Variants in PKMYT1 observed in about 807,000 individuals in gnomAD.
PKMYT1 encodes the protein membrane-associated tyrosine- and threonine-specific cdc2-inhibitory kinase.
In PKMYT1, 35 loss-of-function variants were observed where a neutral mutation model predicts 49.7. That is an observed-to-expected ratio of 0.70 (90% CI 0.54 to 0.93). The LOEUF is 0.93. Ranked by LOEUF, PKMYT1 falls within the 40% of genes least tolerant of loss-of-function variation. The pLI, the probability that PKMYT1 is intolerant of heterozygous loss-of-function variation, is 0.00. For synonymous variants in PKMYT1, 331 were observed against 287.6 expected (o/e 1.15, Z -1.53); for missense variants, 677 against 673.1 (o/e 1.01, Z -0.06).
intron 2 of PKMYT1, among the ~76,000 whole-genome samples, chr16:2,979,083 C>T (rs1040563272): frequency 2.0e-5 from 3 of 151,690 alleles, no homozygotes; most frequent in Non-Finnish European, 4.4e-5. Context: ...CGCCTGTAAT[C>T]CCAGCACTTC....
At position 2,974,543 on chromosome 16, in the gene PKMYT1, T is replaced by A; in HGVS notation, c.979+7A>T. The A allele has an allele frequency of 6.4e-7, 1 of 1,559,864 alleles. No homozygotes were observed. ...GGCAGCACCCCCTCCCGCCCTCACC[T>A]ACTCACCGGCAGTGAACTCAGGGGG... is the stretch of plus-strand genomic sequence containing the variant. On this transcript the variant is annotated splice_region_variant and intron_variant, in intron 5 of 8. Transcript: ENST00000262300.
chr16:2,973,740 C>G, intron 7 of PKMYT1: 1 of 571,082 alleles, frequency 1.8e-6, no homozygotes, highest in South Asian at 2.1e-5. Context: ...GCAGCCTCCA[C>G]TGGGGTCGGG....
chr16:2,977,335 G>A, intron 2 of PKMYT1: 2 of 1,196,374 alleles, frequency 1.7e-6, no homozygotes, highest in South Asian at 2.3e-5. Context: ...CAGACGGGCT[G>A]CGCCTGCATC....
intron 2 of PKMYT1, chr16:2,977,382 TA>T: frequency 1.0e-6 from 1 of 996,360 alleles, no homozygotes; most frequent in Non-Finnish European, 1.2e-6. Context: ...GATCCTAAAC[TA>T]CACAACCTCT....
intron 7 of PKMYT1, chr16:2,973,498 T>G: frequency 7.0e-7 from 1 of 1,422,412 alleles, no homozygotes. Context: ...TTTCTGGAAC[T>G]TCTTGTCTGC....
At position 2,973,199 on chromosome 16, in the gene PKMYT1, CAG is replaced by C. The variant is rs1035696202; in HGVS notation, c.1325_1326del (p.Pro442ArgfsTer28). On this transcript the variant is annotated frameshift_variant, in exon 8 of 9. Transcript: ENST00000262300. LOFTEE classifies it high-confidence loss of function. Reference protein sequence around the residue: ...DDDSLGPSLSPEAVLARTVGS... With the variant: ...DDDSLGPSLSXEAVLARTVGS... ...CCCACAGTCCGGGCCAGGACAGCCT[CAG>C]GGGAGAGTGAAGGCCTGCAGGAGGG... The C allele has an allele frequency of 4.0e-6, 6 of 1,513,216 alleles. No individual in the cohort carries two copies. The highest frequency in any genetic ancestry group is 2.7e-5 in the African/African-American group (2 of 72,820). 93.7% of individuals were successfully genotyped at this position (1,513,216 alleles called of 1,614,324 possible). A position where few individuals can be genotyped will look rare whatever the true frequency, so the allele number is the denominator to read the frequency against.
At position 2,976,915 on chromosome 16, in the gene PKMYT1, T is replaced by C. The variant is rs1246990901; in HGVS notation, c.127A>G (p.Arg43Gly). Residue 43 changes from arginine (R) to glycine (G), a missense_variant, in exon 3 of 9, where the codon AGG becomes GGG. By Grantham distance (125) the Arg-to-Gly change is moderately radical. Coordinates refer to ENST00000262300, the MANE Select transcript of PKMYT1 (RefSeq NM_004203.5). ...RHAEPGFSLKRPRGLSRSLPP... is the reference protein window; with the variant it reads ...RHAEPGFSLKGPRGLSRSLPP... ...AGGCTCCGGCTGAGCCCCCTGGGCC[T>C]CTTGAGGGAGAATCCAGGTTCTGCG... 1 of 1,544,118 alleles carries C rather than the reference T, an allele frequency of 6.5e-7. No homozygotes were observed. Among genetic ancestry groups the C allele is most frequent in the South Asian group, 1.2e-5 (1 of 84,002 alleles).
chr16:2,974,464 A>G lies in PKMYT1; in HGVS notation c.980-47T>C, dbSNP rs1285410870. The G allele has an allele frequency of 1.9e-6, 3 of 1,568,034 alleles. No individual in the cohort carries two copies. In the African/African-American group the frequency reaches 4.1e-5, roughly 21 times the overall value. ...ATCGGGGTCCCAGAACACCGACTGC[A>G]CCCTGAGCCCAGCAGTGCCTCCATG... On this transcript the variant is annotated intron_variant, in intron 5 of 8. Coordinates refer to ENST00000262300, the MANE Select transcript of PKMYT1 (RefSeq NM_004203.5).
intron 2 of PKMYT1, among the ~76,000 whole-genome samples, chr16:2,979,291 G>A (rs1317437091): frequency 1.3e-5 from 2 of 152,126 alleles, no homozygotes; most frequent in Admixed American, 6.5e-5. Flanking sequence ...CCGAGATTGC[G>A]GCATTGCACT....
rs115260081 is a variant in PKMYT1 at position 2,977,323 on chromosome 16, G to A, written c.11-292C>T. 5.8e-4 allele frequency: 704 copies of A among 1,213,822 alleles called. 3 individuals carry two copies. The African/African-American group carries it at 0.01, about 17-fold the overall frequency. 75.2% of individuals were successfully genotyped at this position (1,213,822 alleles called of 1,614,324 possible). The stretch of plus-strand genomic sequence containing the variant: ...CGGGTTAAGAGCAAGGCAGTTTGGA[G>A]TCAGACGGGCTGCGCCTGCATCCCT... On this transcript the variant is annotated intron_variant, in intron 2 of 8. Coordinates refer to ENST00000262300, the MANE Select transcript of PKMYT1 (RefSeq NM_004203.5).
Position 2,975,453 on chromosome 16 carries a change from G to C in PKMYT1, c.738C>G (p.Arg246=). The C allele has an allele frequency of 6.2e-7, 1 of 1,613,206 alleles. No homozygotes were observed. Among genetic ancestry groups the C allele is most frequent in the Non-Finnish European group, 8.5e-7 (1 of 1,179,984 alleles). The change falls in exon 4 of 9, where the codon CGC becomes CGG. Residue 246 remains arginine (R), a synonymous_variant. Coordinates refer to ENST00000262300, the MANE Select transcript of PKMYT1 (RefSeq NM_004203.5). The stretch of plus-strand genomic sequence containing the variant: ...GCAGTCCGAAGTCACCCAGCTTGCA[G>C]CGGCCCCGGGGCCCCAGGAAGATGT... ...PANIFLGPRG[R]CKLGDFGLLV... is the part of the protein sequence containing the mutation.
chr16:2,980,424 G>C lies in PKMYT1; in HGVS notation c.-394C>G, dbSNP rs556353626. 11 of 152,394 alleles carry C rather than the reference G, an allele frequency of 7.2e-5. No homozygotes were observed. The East Asian group carries it at 1.2e-3, about 16-fold the overall frequency. The allele number at this position is 152,394 out of a possible 1,614,324, so 9.4% of individuals were successfully genotyped here. Reference sequence around the variant, plus strand: ...ACGCCCGGGCGGAGGACTCCCGTGAGGGGGAACGGCCCGTGAACGCGCGCG... The same window carrying C: ...ACGCCCGGGCGGAGGACTCCCGTGACGGGGAACGGCCCGTGAACGCGCGCG... On this transcript the variant is annotated 5_prime_UTR_variant, in exon 1 of 9. Transcript: ENST00000262300.
Position 2,972,823 on chromosome 16 carries a change from G to A in PKMYT1, c.*130C>T, listed in dbSNP as rs1567381177. The A allele has an allele frequency of 5.2e-6, 8 of 1,534,030 alleles. No individual in the cohort carries two copies. The East Asian group carries it at 2.0e-4, about 38-fold the overall frequency. On this transcript the variant is annotated 3_prime_UTR_variant, in exon 9 of 9. Transcript: ENST00000262300. ...ATGAGCAAGCTTGGGTGCTCCCAAG[G>A]TTCAAATACTTTTTATTAGACACGG... is the stretch of plus-strand genomic sequence containing the variant.
chr16:2,975,349 C>T lies in PKMYT1; in HGVS notation c.842G>A (p.Gly281Asp), dbSNP rs1410819287. 1 of 1,612,796 alleles carries T rather than the reference C, an allele frequency of 6.2e-7. No individual in the cohort carries two copies. Among genetic ancestry groups the T allele is most frequent in the East Asian group, 2.2e-5 (1 of 44,884 alleles). ...CACATCCGCTGCTGTCCCATAGGAG[C>T]CCTGCAGCAGCTCGGGGGCCATGTA... The part of the protein sequence containing the change: ...PRYMAPELLQ[G>D]SYGTAADVFS... Residue 281 changes from glycine to aspartate, a missense_variant, in exon 4 of 9, where the codon GGC becomes GAC. Physicochemically the swap from Gly to Asp is moderately conservative, Grantham distance 94. Coordinates refer to ENST00000262300, the MANE Select transcript of PKMYT1 (RefSeq NM_004203.5).
Position 2,976,743 on chromosome 16 carries a change from C to T in PKMYT1, c.299G>A (p.Ser100Asn). Residue 100 changes from serine to asparagine, a missense_variant, in exon 3 of 9, where the codon AGC becomes AAC. Physicochemically the swap from Ser to Asn is conservative, Grantham distance 46. Transcript: ENST00000262300. Reference sequence around the variant, plus strand: ...CTGCTGGAAGAAGGACTCTGGCCGGCTTGGGTCATACCCAGGGCTCTGCAG... The same window carrying T: ...CTGCTGGAAGAAGGACTCTGGCCGGTTTGGGTCATACCCAGGGCTCTGCAG... ...ETLQSPGYDP[S>N]RPESFFQQSF... is the part of the protein sequence containing the mutation. 6.6e-7 allele frequency: 1 copy of T among 1,515,364 alleles called. No individual in the cohort carries two copies. The highest frequency in any genetic ancestry group is 8.9e-7 in the Non-Finnish European group (1 of 1,128,934). The allele number at this position is 1,515,364 out of a possible 1,614,324, so 93.9% of individuals were successfully genotyped here. A position where few individuals can be genotyped will look rare whatever the true frequency, so the allele number is the denominator to read the frequency against.
In PKMYT1 at chr16:2,973,373, C is replaced by T. The variant is rs1288625763; in HGVS notation, c.1311-158G>A. On this transcript the variant is annotated intron_variant, in intron 7 of 8. Coordinates refer to ENST00000262300, the MANE Select transcript of PKMYT1 (RefSeq NM_004203.5). ...AACTTGGTGCACTCTGAAAGCAGCA[C>T]TTGGACAGCCTTCAAAGTCCTTCCA... is the stretch of plus-strand genomic sequence containing the variant. The T allele has an allele frequency of 5.8e-6, 9 of 1,540,374 alleles. No homozygotes were observed. In the Admixed American group the frequency reaches 5.9e-5, roughly 10 times the overall value.
chr16:2,979,822 C>CGACACATCT lies in PKMYT1; in HGVS notation c.-174_-166dup. 1.4e-6 allele frequency: 1 copy of CGACACATCT among 718,646 alleles called. No individual in the cohort carries two copies. The highest frequency in any genetic ancestry group is 2.4e-6 in the Non-Finnish European group (1 of 424,218). The allele number at this position is 718,646 out of a possible 1,614,324, so 44.5% of individuals were successfully genotyped here. On this transcript the variant is annotated 5_prime_UTR_variant, in exon 2 of 9. The change creates a new upstream start codon in the 5' untranslated region. Transcript: ENST00000262300. ...TCTCGCCTCACCCTCTCACCAGGCC[C>CGACACATCT]GACACATCTGCTGGCCACCTTTCCC...
chr16:2,979,797 T>A lies in PKMYT1; in HGVS notation c.-140A>T, dbSNP rs1046492346. 2.3e-5 allele frequency: 22 copies of A among 946,982 alleles called. No individual in the cohort carries two copies. The highest frequency in any genetic ancestry group is 2.7e-4 in the Middle Eastern group (1 of 3,702). 58.7% of individuals were successfully genotyped at this position (946,982 alleles called of 1,614,324 possible). A position where few individuals can be genotyped will look rare whatever the true frequency, so the allele number is the denominator to read the frequency against. The stretch of plus-strand genomic sequence containing the variant: ...TCCGGGGCCCTGGGCGATCGGGCCG[T>A]CTCGCCTCACCCTCTCACCAGGCCC... On this transcript the variant is annotated 5_prime_UTR_variant, in exon 2 of 9. Transcript: ENST00000262300.
chr16:2,973,175 CCA>C lies in PKMYT1; in HGVS notation c.1349_1350del (p.Val450GlyfsTer20). 6.5e-7 allele frequency: 1 copy of C among 1,531,784 alleles called. No individual in the cohort carries two copies. The highest frequency in any genetic ancestry group is 8.8e-7 in the Non-Finnish European group (1 of 1,133,690). 94.9% of individuals were successfully genotyped at this position (1,531,784 alleles called of 1,614,324 possible). The stretch of plus-strand genomic sequence containing the variant: ...CTGCTCCGGGGGGTGGAGGTGCTCC[CCA>C]CAGTCCGGGCCAGGACAGCCTCAGG... The part of the protein sequence containing the change: ...LSPEAVLART[V>X]GSTSTPRSRC... On this transcript the variant is annotated frameshift_variant, in exon 8 of 9. Transcript: ENST00000262300. LOFTEE classifies it high-confidence loss of function.
Sources: gnomAD v4.1 joint callset for allele counts (sites outside exome capture counted in the v4.1 genomes callset) on GRCh38, gnomAD v4.1.1 for gene constraint, MANE v1.5 for transcripts, NCBI Gene and HGNC (gene_info 2026-07-23, HGNC 2026-07-21) for gene names.